PRUNE2: variants seen among roughly 807,000 people sequenced by gnomAD.
The protein encoded by PRUNE2 is protein prune homolog 2.
In PRUNE2, 164 loss-of-function variants were observed where a neutral mutation model predicts 252.0. That is an observed-to-expected ratio of 0.65 (90% CI 0.57 to 0.74). The LOEUF (loss-of-function observed/expected upper bound fraction) is 0.74, where lower values mean the gene tolerates loss of function less well. Ranked by LOEUF, PRUNE2 falls within the 30% of genes least tolerant of loss-of-function variation. The pLI is 0.00. For missense variants in PRUNE2, 3,495 were observed against 3,711.0 expected, an observed-to-expected ratio of 0.94 and a Z score of 1.51; for synonymous variants, 1,292 against 1,350.2, an observed-to-expected ratio of 0.96 and a Z score of 0.94.
At chr9:76,768,816 ACT>A (rs1365157065) in intron 6 of PRUNE2, among the ~76,000 whole-genome samples, 4 of 151,944 alleles carry the variant, frequency 2.6e-5, no homozygotes, top group Admixed American at 2.6e-4. Flanking sequence ...ATGGTATGAG[ACT>A]CTGTATGGAT....
In PRUNE2 at chr9:76,718,067, T is replaced by C. The variant is rs542210024; in HGVS notation, c.757-4346A>G. Among the ~76,000 whole-genome samples the C allele has an allele frequency of 5.9e-5, 9 of 152,280 alleles. No homozygotes were observed. In the East Asian group the frequency reaches 1.7e-3, roughly 29 times the overall value. On this transcript the variant is annotated intron_variant, in intron 6 of 18. Transcript: ENST00000376718. ...ACCCAGAGGAGGAAAACAGAAATAATACAGCTGTACCTGAACTAATATCAA... is the reference window on the plus strand; with the variant it reads ...ACCCAGAGGAGGAAAACAGAAATAACACAGCTGTACCTGAACTAATATCAA...
chr9:76,666,784 A>C (rs930611083), intron 9 of PRUNE2, among the ~76,000 whole-genome samples: 1 of 152,114 alleles, frequency 6.6e-6, no homozygotes, highest in African/African-American at 2.4e-5. Context: ...TTATTTCTGC[A>C]ATCTCTCGTC....
At chr9:76,695,019 T>A (rs2113942) in intron 9 of PRUNE2, among the ~76,000 whole-genome samples, 25,330 of 152,114 alleles carry the variant, frequency 0.17, 2,555 homozygotes, top group East Asian at 0.51. Context: ...AAAACCATGT[T>A]CCTCTCTAAT....
chr9:76,903,729 A>T (rs142499888), intron 1 of PRUNE2, among the ~76,000 whole-genome samples: 18 of 152,308 alleles, frequency 1.2e-4, no homozygotes, highest in Non-Finnish European at 2.5e-4. Context: ...CTGGGATTAC[A>T]GGCACACGCC....
chr9:76,771,945 G>C (rs190488815), intron 6 of PRUNE2, among the ~76,000 whole-genome samples: 2 of 152,218 alleles, frequency 1.3e-5, no homozygotes, highest in Non-Finnish European at 2.9e-5. Context: ...CACTAATGGC[G>C]TGGGACTCAG....
rs1276735663 is a variant in PRUNE2, at chr9:76,766,174, C to T, written c.757-52453G>A. On this transcript the variant is annotated intron_variant, in intron 6 of 18. Coordinates refer to ENST00000376718, the MANE Select transcript of PRUNE2 (RefSeq NM_015225.3). ...CTCTAGCCTGGGTGACAGAGCAAGACTCTGCCTCAAAAAAAAAAAAAAAAC... is the reference window on the plus strand; with the variant it reads ...CTCTAGCCTGGGTGACAGAGCAAGATTCTGCCTCAAAAAAAAAAAAAAAAC... Among the ~76,000 whole-genome samples, 5 of 138,054 alleles carry T rather than the reference C, an allele frequency of 3.6e-5. No individual in the cohort carries two copies. The East Asian group carries it at 8.4e-4, about 23-fold the overall frequency. 90.6% of individuals were successfully genotyped at this position (138,054 alleles called of 152,430 possible). A position where few individuals can be genotyped will look rare whatever the true frequency, so the allele number is the denominator to read the frequency against.
intron 12 of PRUNE2, among the ~76,000 whole-genome samples, chr9:76,640,191 C>G (rs537930038): frequency 6.6e-6 from 1 of 152,142 alleles, no homozygotes; most frequent in Non-Finnish European, 1.5e-5. Flanking sequence ...CAGAACCCAA[C>G]GTGTTAGTTT....
rs938673194 is a variant in PRUNE2 at position 76,760,906 on chromosome 9, C to T, written c.757-47185G>A. Among the ~76,000 whole-genome samples, 7 of 151,980 alleles carry T rather than the reference C, an allele frequency of 4.6e-5. No individual in the cohort carries two copies. The East Asian group carries it at 7.7e-4, about 17-fold the overall frequency. ...TTCGAGACCAGCCTGGCCAACACTG[C>T]GAAACTCCATCTCTATTAAAAATAC... On this transcript the variant is annotated intron_variant, in intron 6 of 18. Coordinates refer to ENST00000376718, the MANE Select transcript of PRUNE2 (RefSeq NM_015225.3).
intron 9 of PRUNE2, among the ~76,000 whole-genome samples, chr9:76,694,667 T>C (rs1382284757): frequency 6.6e-6 from 1 of 152,220 alleles, no homozygotes; most frequent in Admixed American, 6.5e-5. Context: ...CAAGATGTTC[T>C]CACAGATTGT....
intron 4 of PRUNE2, among the ~76,000 whole-genome samples, chr9:76,829,034 AAAT>A (rs1363338790): frequency 1.9e-4 from 29 of 151,520 alleles, no homozygotes; most frequent in East Asian, 9.7e-4. Context: ...AAAAAAAAAA[AAAT>A]TCCCCTCTTT....
intron 6 of PRUNE2, among the ~76,000 whole-genome samples, chr9:76,730,398 A>G (rs996078498): frequency 2.6e-5 from 4 of 152,236 alleles, no homozygotes; most frequent in African/African-American, 7.2e-5. Flanking sequence ...CACAACATAT[A>G]TTAACCCACG....
chr9:76,694,889 A>C (rs1212236007), intron 9 of PRUNE2, among the ~76,000 whole-genome samples: 1 of 152,190 alleles, frequency 6.6e-6, no homozygotes, highest in Non-Finnish European at 1.5e-5. Flanking sequence ...AGCCTAATTA[A>C]TACTTTTAAA....
chr9:76,679,664 A>T (rs2043208774), intron 9 of PRUNE2, among the ~76,000 whole-genome samples: 1 of 152,192 alleles, frequency 6.6e-6, no homozygotes. Context: ...AATAAATAAA[A>T]AGACAGATAT....
rs766644060 is a variant in PRUNE2, at chr9:76,704,142, A to C, written c.7514-43T>G. On this transcript the variant is annotated intron_variant, in intron 8 of 18. Transcript: ENST00000376718. ...AAGTGAGAAGAGGAGAAAAAGGTTTAATTAACACATTGTGTGATTTGTGAT... is the reference window on the plus strand; with the variant it reads ...AAGTGAGAAGAGGAGAAAAAGGTTTCATTAACACATTGTGTGATTTGTGAT... 4.4e-6 allele frequency: 6 copies of C among 1,363,406 alleles called. No individual in the cohort carries two copies. The African/African-American group carries it at 5.8e-5, about 13-fold the overall frequency. 84.5% of individuals were successfully genotyped at this position (1,363,406 alleles called of 1,614,324 possible).
At position 76,906,076 on chromosome 9, in the gene PRUNE2, A is replaced by ACTGCTCCCTC. The variant is rs2063478608; in HGVS notation, c.-123_-114dup. 1.7e-6 allele frequency: 2 copies of ACTGCTCCCTC among 1,151,996 alleles called. No homozygotes were observed. The highest frequency in any genetic ancestry group is 3.0e-5 in the African/African-American group (2 of 65,728). 71.4% of individuals were successfully genotyped at this position (1,151,996 alleles called of 1,614,324 possible). ...GTGGCCCGCCGGGGCGCAGCGACCG[A>ACTGCTCCCTC]CTGCTCCCTCCTGCCGCTCTGAGGC... On this transcript the variant is annotated 5_prime_UTR_variant, in exon 1 of 19. Transcript: ENST00000376718.
Position 76,776,939 on chromosome 9 carries a change from C to CAG in PRUNE2, c.756+46692_756+46693insCT, listed in dbSNP as rs1432538253. On this transcript the variant is annotated intron_variant, in intron 6 of 18. Coordinates refer to ENST00000376718, the MANE Select transcript of PRUNE2 (RefSeq NM_015225.3). ...ACACACACACACACACACACACACA[C>CAG]ACACACAAAGGGCCTGGACCTTTCT... Among the ~76,000 whole-genome samples the CAG allele has an allele frequency of 5.5e-3, 706 of 128,200 alleles. 16 individuals carry two copies. Among genetic ancestry groups the CAG allele is most frequent in the Non-Finnish European group, 6.3e-3 (381 of 60,400 alleles). 84.1% of individuals were successfully genotyped at this position (128,200 alleles called of 152,430 possible).
rs192606410 is a variant in PRUNE2, at chr9:76,882,930, T to C, written c.36+22998A>G. On this transcript the variant is annotated intron_variant, in intron 1 of 18. Transcript: ENST00000376718. ...AAAAATAATTTAGAGGCAGGAGGGCTGCAACCAAGCCCAGAGCTGCTCTTT... is the reference window on the plus strand; with the variant it reads ...AAAAATAATTTAGAGGCAGGAGGGCCGCAACCAAGCCCAGAGCTGCTCTTT... Among the ~76,000 whole-genome samples the C allele has an allele frequency of 5.9e-5, 9 of 152,324 alleles. No homozygotes were observed. In the East Asian group the frequency reaches 1.7e-3, roughly 29 times the overall value.
chr9:76,781,988 G>A (rs2054460024), intron 6 of PRUNE2, among the ~76,000 whole-genome samples: 1 of 151,824 alleles, frequency 6.6e-6, no homozygotes, highest in Admixed American at 6.5e-5. Context: ...GCCGAAGCAG[G>A]TGGATCATGA....
chr9:76,795,615 C>G (rs1015127108), intron 6 of PRUNE2, among the ~76,000 whole-genome samples: 1 of 151,940 alleles, frequency 6.6e-6, no homozygotes, highest in Non-Finnish European at 1.5e-5. Flanking sequence ...TTCTTGTACA[C>G]GAGCCTAAAA....
Sources: gnomAD v4.1 joint callset for allele counts (sites outside exome capture counted in the v4.1 genomes callset) on GRCh38, gnomAD v4.1.1 for gene constraint, MANE v1.5 for transcripts, NCBI Gene and HGNC (gene_info 2026-07-23, HGNC 2026-07-21) for gene names.